The following CDH4 variants were observed in gnomAD, a reference collection of about 807,000 sequenced individuals.
The protein encoded by CDH4 is cadherin 4, also known as cadherin-4.
CDH4 carries 33 observed loss-of-function variants against 86.0 expected under a neutral mutation model. That is an observed-to-expected ratio of 0.38 (90% CI 0.29 to 0.51). The LOEUF is 0.51. Ranked by LOEUF, CDH4 falls within the 20% of genes least tolerant of loss-of-function variation. CDH4 has a pLI of 0.86. For missense variants in CDH4, 1,114 were observed against 1,307.4 expected (o/e 0.85, Z 2.28); for synonymous variants, 555 against 549.4 (o/e 1.01, Z -0.14).
chr20:61,464,736 A>G (rs2085463487), intron 2 of CDH4, among the ~76,000 whole-genome samples: 2 of 152,174 alleles, frequency 1.3e-5, no homozygotes, highest in African/African-American at 4.8e-5. Flanking sequence ...GGACTGAGAC[A>G]CACTAGCAGA....
chr20:61,731,747 G>A (rs2088191582), intron 2 of CDH4, among the ~76,000 whole-genome samples: 1 of 152,204 alleles, frequency 6.6e-6, no homozygotes, highest in African/African-American at 2.4e-5. Context: ...TGAGTGAGTG[G>A]CTCGTGGGGT....
At chr20:61,528,422 G>A (rs1241104765) in intron 2 of CDH4, among the ~76,000 whole-genome samples, 2 of 111,830 alleles carry the variant, frequency 1.8e-5, no homozygotes, top group Non-Finnish European at 3.7e-5. Context: ...GGGTGGAGGG[G>A]GAGAGGAGGG....
At chr20:61,626,714 C>T (rs1417552529) in intron 2 of CDH4, among the ~76,000 whole-genome samples, 2 of 152,112 alleles carry the variant, frequency 1.3e-5, no homozygotes, top group African/African-American at 2.4e-5. Flanking sequence ...CTTGGTTGCT[C>T]GTGTTGAGTG....
intron 2 of CDH4, among the ~76,000 whole-genome samples, chr20:61,322,161 T>A (rs1035358509): frequency 2.0e-5 from 3 of 152,176 alleles, no homozygotes; most frequent in Non-Finnish European, 4.4e-5. Flanking sequence ...TTCAGTGCAA[T>A]GGGGTTGGTG....
intron 2 of CDH4, among the ~76,000 whole-genome samples, chr20:61,533,705 T>C (rs2085973578): frequency 6.6e-6 from 1 of 152,164 alleles, no homozygotes; most frequent in Admixed American, 6.5e-5. Context: ...TGAGACTAGA[T>C]GGGCCCCCAC....
chr20:61,900,695 C>T (rs1285518820), intron 8 of CDH4, among the ~76,000 whole-genome samples: 1 of 152,242 alleles, frequency 6.6e-6, no homozygotes, highest in Non-Finnish European at 1.5e-5. Context: ...TCTCAGGCCT[C>T]CTTGGACCCG....
chr20:61,356,359 CAG>C (rs1440260027), intron 2 of CDH4, among the ~76,000 whole-genome samples: 1 of 152,210 alleles, frequency 6.6e-6, no homozygotes, highest in Non-Finnish European at 1.5e-5. Context: ...TGCTGTTTCC[CAG>C]AGTGTCCAGG....
chr20:61,719,260 T>C (rs2088003875), intron 2 of CDH4: 2 of 384,156 alleles, frequency 5.2e-6, no homozygotes, highest in African/African-American at 2.1e-5. Flanking sequence ...CACTGTTTAG[T>C]GTCTGGATGT....
At chr20:61,579,896 C>CT (rs372532046) in intron 2 of CDH4, among the ~76,000 whole-genome samples, 5 of 152,028 alleles carry the variant, frequency 3.3e-5, no homozygotes, top group East Asian at 1.9e-4. Flanking sequence ...AATGTACTGC[C>CT]TTTTTTTGTA....
At chr20:61,376,712 T>C (rs1268329332) in intron 2 of CDH4, among the ~76,000 whole-genome samples, 3 of 152,202 alleles carry the variant, frequency 2.0e-5, no homozygotes, top group Non-Finnish European at 4.4e-5. Context: ...CTCCCGTTTT[T>C]CCCATCTGTC....
chr20:61,404,742 G>C (rs1166515245), intron 2 of CDH4, among the ~76,000 whole-genome samples: 1 of 150,566 alleles, frequency 6.6e-6, no homozygotes, highest in Non-Finnish European at 1.5e-5. Flanking sequence ...TTTTTTCCTA[G>C]GGAGAACATT....
intron 9 of CDH4, among the ~76,000 whole-genome samples, chr20:61,915,021 T>C (rs935011168): frequency 1.3e-5 from 2 of 152,168 alleles, no homozygotes; most frequent in African/African-American, 4.8e-5. Flanking sequence ...TACAGTGACG[T>C]TGGGCACCGA....
rs138080860 is a variant in CDH4 at position 61,357,415 on chromosome 20, C to T, written c.169+102478C>T. 2.8e-3 allele frequency among the ~76,000 whole-genome samples: 428 copies of T among 152,266 alleles called. 3 individuals carry two copies. The highest frequency in any genetic ancestry group is 9.6e-3 in the African/African-American group (398 of 41,576). On this transcript the variant is annotated intron_variant, in intron 2 of 15. Transcript: ENST00000614565. ...TGCTCACCCTGCCATGTTGCCGCCA[C>T]ACACACTGTTGGGAAACCTCTGGGT...
At chr20:61,540,563 C>A (rs1041360249) in intron 2 of CDH4, among the ~76,000 whole-genome samples, 1 of 152,126 alleles carries the variant, frequency 6.6e-6, no homozygotes, top group African/African-American at 2.4e-5. Context: ...GTGGGTTCCA[C>A]GTGCCATACG....
At chr20:61,932,340 G>T (rs1001577547) in intron 13 of CDH4, among the ~76,000 whole-genome samples, 2 of 152,330 alleles carry the variant, frequency 1.3e-5, no homozygotes, top group African/African-American at 4.8e-5. Flanking sequence ...GTAGCCCAGT[G>T]CCCAGGCAGT....
intron 4 of CDH4, among the ~76,000 whole-genome samples, chr20:61,813,562 G>A (rs143112681): frequency 2.1e-4 from 32 of 152,284 alleles, no homozygotes; most frequent in African/African-American, 7.0e-4. Context: ...TGCTGTATAA[G>A]CATCGCATCC....
At chr20:61,336,500 T>C (rs1336317393) in intron 2 of CDH4, among the ~76,000 whole-genome samples, 1 of 152,138 alleles carries the variant, frequency 6.6e-6, no homozygotes, top group East Asian at 1.9e-4. Flanking sequence ...CAATACCTAT[T>C]CCTTCTTCAA....
chr20:61,730,619 C>A (rs1017936973), intron 2 of CDH4, among the ~76,000 whole-genome samples: 9 of 152,214 alleles, frequency 5.9e-5, no homozygotes, highest in African/African-American at 2.2e-4. Flanking sequence ...AAGGCAGGCC[C>A]AGCGCCTGCC....
intron 2 of CDH4, among the ~76,000 whole-genome samples, chr20:61,468,463 A>G (rs2085485642): frequency 6.6e-6 from 1 of 152,110 alleles, no homozygotes; most frequent in Non-Finnish European, 1.5e-5. Context: ...TACATGAGAT[A>G]TTTTGATTTA....
Sources: gnomAD v4.1 joint callset for allele counts (sites outside exome capture counted in the v4.1 genomes callset) on GRCh38, gnomAD v4.1.1 for gene constraint, MANE v1.5 for transcripts, NCBI Gene and HGNC (gene_info 2026-07-23, HGNC 2026-07-21) for gene names.